Variants in TTLL6 observed in about 807,000 individuals in gnomAD.
TTLL6 encodes tubulin polyglutamylase TTLL6.
In TTLL6, 75 loss-of-function variants were observed where a neutral mutation model predicts 96.4. The ratio of observed to expected loss-of-function variants is 0.78; its 90% confidence interval spans 0.65 to 0.94. TTLL6 has a LOEUF of 0.94. TTLL6 is among the 40% of genes least tolerant of loss of function. TTLL6 has a pLI of 0.00. For synonymous variants in TTLL6, 411 were observed against 419.4 expected (o/e 0.98, Z 0.24); for missense variants, 1,030 against 1,093.0 (o/e 0.94, Z 0.81).
chr17:48,770,303 T>G, intron 13 of TTLL6, among the ~76,000 whole-genome samples: 1 of 151,960 alleles, frequency 6.6e-6, no homozygotes, highest in Non-Finnish European at 1.5e-5. Context: ...TCCCATGCTA[T>G]TCTTGATTAA....
rs1354601818 is a variant in TTLL6, at chr17:48,763,227, G to A, written c.*1-254C>T. On this transcript the variant is annotated intron_variant, in intron 15 of 15. Transcript: ENST00000393382. Reference sequence around the variant, plus strand: ...CTGGAGAGAATGTTATAGTGGTTAAGAAGCTGTATGCCCTTGGACAAGTTA... The same window carrying A: ...CTGGAGAGAATGTTATAGTGGTTAAAAAGCTGTATGCCCTTGGACAAGTTA... 3.9e-5 allele frequency among the ~76,000 whole-genome samples: 6 copies of A among 152,182 alleles called. No homozygotes were observed. The South Asian group carries it at 1.2e-3, about 32-fold the overall frequency.
chr17:48,808,001 G>C (rs1035831988), intron 1 of TTLL6, among the ~76,000 whole-genome samples: 1 of 152,106 alleles, frequency 6.6e-6, no homozygotes, highest in Non-Finnish European at 1.5e-5. Flanking sequence ...ACCACGCCCG[G>C]CTAATTTTTT....
chr17:48,771,893 G>A (rs900253445), intron 13 of TTLL6, among the ~76,000 whole-genome samples: 3 of 151,576 alleles, frequency 2.0e-5, no homozygotes, highest in African/African-American at 7.3e-5. Flanking sequence ...TAGCCCACAT[G>A]GCAAAACCTC....
intron 10 of TTLL6, among the ~76,000 whole-genome samples, chr17:48,788,711 G>A (rs1468292747): frequency 2.0e-5 from 3 of 152,166 alleles, no homozygotes; most frequent in Admixed American, 6.5e-5. Context: ...GGGTGACCTT[G>A]TAGAAGTCAG....
intron 1 of TTLL6, among the ~76,000 whole-genome samples, chr17:48,816,349 TG>T (rs1371376865): frequency 2.0e-5 from 3 of 152,018 alleles, no homozygotes; most frequent in African/African-American, 7.3e-5. Flanking sequence ...TAAATTTTTT[TG>T]GAGTGCCTCG....
Position 48,784,904 on chromosome 17 carries a change from A to C in TTLL6, c.2040+19T>G, listed in dbSNP as rs774700755. The C allele has an allele frequency of 6.2e-7, 1 of 1,606,246 alleles. No homozygotes were observed. The highest frequency in any genetic ancestry group is 1.7e-5 in the Admixed American group (1 of 59,892). On this transcript the variant is annotated intron_variant, in intron 13 of 15. Coordinates refer to ENST00000393382, the MANE Select transcript of TTLL6 (RefSeq NM_001130918.3). ...CAAGACTCCCACCACTCCCTCCCAG[A>C]GCTCGGCTCACTACTTACCACAGTG...
At chr17:48,769,618 G>A (rs1350054894) in intron 14 of TTLL6, 110 bp downstream of exon 14, 1 of 1,376,456 alleles carries the variant, frequency 7.3e-7, no homozygotes, top group Non-Finnish European at 9.9e-7. Flanking sequence ...CCTGAAGACA[G>A]GGGCTGTCCC....
intron 13 of TTLL6, among the ~76,000 whole-genome samples, chr17:48,776,214 A>C (rs12150380): frequency 0.3 from 44,867 of 152,090 alleles, 6,903 homozygotes; most frequent in Admixed American, 0.4. Context: ...TGCCTGTAAT[A>C]CTAGCACTTT....
At chr17:48,766,583 A>C (rs368909849) in intron 15 of TTLL6, among the ~76,000 whole-genome samples, 19 of 152,178 alleles carry the variant, frequency 1.2e-4, no homozygotes, top group African/African-American at 4.1e-4. Flanking sequence ...GTAGAAACAG[A>C]CTGGGTGTGG....
Position 48,804,992 on chromosome 17 carries a change from C to A in TTLL6, c.104-1G>T. On this transcript the variant is annotated splice_acceptor_variant, in intron 1 of 15. Transcript: ENST00000393382. LOFTEE classifies it high-confidence loss of function. ...GAGGCTCTGGGGAAATACCAGGCCC[C>A]TAGAGAGAGGGCAGAGGGAGCCGCA... 6.4e-7 allele frequency: 1 copy of A among 1,550,768 alleles called. No individual in the cohort carries two copies. The highest frequency in any genetic ancestry group is 8.7e-7 in the Non-Finnish European group (1 of 1,146,286).
intron 8 of TTLL6, among the ~76,000 whole-genome samples, chr17:48,793,543 C>T (rs916455294): frequency 1.3e-5 from 2 of 150,364 alleles, no homozygotes; most frequent in African/African-American, 4.9e-5. Flanking sequence ...TGCAGTGAGC[C>T]GGGATCGCGC....
chr17:48,817,148 G>A lies in TTLL6; in HGVS notation c.-76C>T, dbSNP rs2143520719. On this transcript the variant is annotated 5_prime_UTR_variant, in exon 1 of 16. Transcript: ENST00000393382. ...CCGCCCGGCCCTCATATTTGCATAC[G>A]GGGCCTTCTAGGCCTTCGATTGGCC... 2 of 1,158,208 alleles carry A rather than the reference G, an allele frequency of 1.7e-6. No individual in the cohort carries two copies. Among genetic ancestry groups the A allele is most frequent in the Non-Finnish European group, 2.4e-6 (2 of 828,998 alleles). The allele number at this position is 1,158,208 out of a possible 1,614,324, so 71.7% of individuals were successfully genotyped here.
Position 48,804,995 on chromosome 17 carries a change from G to C in TTLL6, c.104-4C>G. 1 of 1,550,320 alleles carries C rather than the reference G, an allele frequency of 6.5e-7. No individual in the cohort carries two copies. Among genetic ancestry groups the C allele is most frequent in the Non-Finnish European group, 8.7e-7 (1 of 1,145,982 alleles). Reference sequence around the variant, plus strand: ...GCTCTGGGGAAATACCAGGCCCCTAGAGAGAGGGCAGAGGGAGCCGCAGTT... The same window carrying C: ...GCTCTGGGGAAATACCAGGCCCCTACAGAGAGGGCAGAGGGAGCCGCAGTT... On this transcript the variant is annotated splice_region_variant and splice_polypyrimidine_tract_variant and intron_variant, in intron 1 of 15. Transcript: ENST00000393382.
At chr17:48,773,461 C>G (rs570869894) in intron 13 of TTLL6, among the ~76,000 whole-genome samples, 13 of 152,302 alleles carry the variant, frequency 8.5e-5, no homozygotes, top group Admixed American at 2.6e-4. Context: ...CAGGCTCATG[C>G]CTATAATCCC....
chr17:48,791,634 G>A (rs1183811150), intron 8 of TTLL6, 31 bp from the exon 9 acceptor site: 1 of 1,562,560 alleles, frequency 6.4e-7, no homozygotes, highest in Non-Finnish European at 8.7e-7. Flanking sequence ...AGGAGGCAGT[G>A]TAGCTGGCTT....
At chr17:48,763,687 T>C (rs2038533677) in intron 15 of TTLL6, among the ~76,000 whole-genome samples, 1 of 152,094 alleles carries the variant, frequency 6.6e-6, no homozygotes, top group African/African-American at 2.4e-5. Flanking sequence ...CAGTCTCAGC[T>C]ACTCAGGAGG....
rs1228118579 is a variant in TTLL6, at chr17:48,797,198, T to C, written c.775A>G (p.Ile259Val). Residue 259 changes from isoleucine to valine, a missense_variant, in exon 7 of 16, where the codon ATC (isoleucine) becomes GTC (valine). Ile to Val is a conservative substitution (Grantham distance 29, BLOSUM62 3). Coordinates refer to ENST00000393382, the MANE Select transcript of TTLL6 (RefSeq NM_001130918.3). ...AGGTCAAACTTAAACCCATCAATGA[T>C]AAAGGGCTGGAAGGAGAGAACAGAA... ...ICQLYISKPF[I>V]IDGFKFDLRI... 12 of 1,549,770 alleles carry C rather than the reference T, an allele frequency of 7.7e-6. No individual in the cohort carries two copies. Among genetic ancestry groups the C allele is most frequent in the East Asian group, 2.4e-5 (1 of 40,876 alleles).
chr17:48,796,085 C>T lies in TTLL6; in HGVS notation c.974G>A (p.Arg325Gln), dbSNP rs941670207. 26 of 1,551,264 alleles carry T rather than the reference C, an allele frequency of 1.7e-5. No homozygotes were observed. Among genetic ancestry groups the T allele is most frequent in the African/African-American group, 5.5e-5 (4 of 73,024 alleles). ...SINKHSSNFSRDAHSGSKRKL... is the reference protein window; with the variant it reads ...SINKHSSNFSQDAHSGSKRKL... ...CCTCTTACTGCCAGAGTGTGCATCT[C>T]GACTGAAATTTGAACTGTGCTTATT... The change falls in exon 8 of 16, where the codon CGA becomes CAA. Residue 325 changes from arginine (R) to glutamine (Q), a missense_variant. Transcript: ENST00000393382.
intron 13 of TTLL6, among the ~76,000 whole-genome samples, chr17:48,778,058 C>T (rs1439262614): frequency 6.6e-6 from 1 of 152,178 alleles, no homozygotes; most frequent in Non-Finnish European, 1.5e-5. Flanking sequence ...GGGCAGGTCA[C>T]TTGAGGTCAG....
Sources: gnomAD v4.1 joint callset for allele counts (sites outside exome capture counted in the v4.1 genomes callset) on GRCh38, gnomAD v4.1.1 for gene constraint, MANE v1.5 for transcripts, NCBI Gene and HGNC (gene_info 2026-07-23, HGNC 2026-07-21) for gene names.